Variants in NDUFS4 observed in about 807,000 individuals in gnomAD.
The protein encoded by NDUFS4 is NADH dehydrogenase [ubiquinone] iron-sulfur protein 4, mitochondrial.
In NDUFS4, 28 loss-of-function variants were observed where a neutral mutation model predicts 24.3. The observed-to-expected ratio is 1.15, with a 90% CI of 0.85 to 1.58. The LOEUF is 1.58. Among genes scored for constraint, NDUFS4 ranks in the 40% most tolerant of loss-of-function variants. The pLI, the probability that NDUFS4 is intolerant of heterozygous loss-of-function variation, is 0.00. For missense variants in NDUFS4, 223 were observed against 207.9 expected, an observed-to-expected ratio of 1.07 and a Z score of -0.45; for synonymous variants, 93 against 69.7, an observed-to-expected ratio of 1.34 and a Z score of -1.67.
At chr5:53,652,143 A>G (rs1752038926) in intron 3 of NDUFS4, among the ~76,000 whole-genome samples, 1 of 152,180 alleles carries the variant, frequency 6.6e-6, no homozygotes, top group South Asian at 2.1e-4. Context: ...GGAGGGTTTA[A>G]CAGACATCTA....
intron 4 of NDUFS4, among the ~76,000 whole-genome samples, chr5:53,661,481 C>A (rs61661148): frequency 6.6e-6 from 1 of 152,018 alleles, no homozygotes; most frequent in African/African-American, 2.4e-5. Context: ...CTTGGCAATG[C>A]GGGCTCTTTT....
intron 1 of NDUFS4, among the ~76,000 whole-genome samples, chr5:53,587,035 G>T (rs1229251640): frequency 6.6e-6 from 1 of 151,978 alleles, no homozygotes; most frequent in Non-Finnish European, 1.5e-5. Context: ...TGTTGGCCAG[G>T]CTGGTTTCGA....
intron 4 of NDUFS4, among the ~76,000 whole-genome samples, chr5:53,675,413 T>C (rs192104566): frequency 4.1e-4 from 63 of 152,142 alleles, no homozygotes; most frequent in East Asian, 2.3e-3. Flanking sequence ...CCGCCCGCCT[T>C]GGCCTCCCAA....
intron 1 of NDUFS4, 150 bp downstream of exon 1, chr5:53,560,910 G>C: frequency 6.6e-7 from 1 of 1,519,410 alleles, no homozygotes; most frequent in Non-Finnish European, 8.8e-7. Flanking sequence ...GGGACTGTCT[G>C]CTATCAATGG....
chr5:53,606,165 C>G (rs1191810232), intron 2 of NDUFS4, among the ~76,000 whole-genome samples: 1 of 151,946 alleles, frequency 6.6e-6, no homozygotes, highest in Non-Finnish European at 1.5e-5. Flanking sequence ...GCCTAGGTGA[C>G]AGAGCGAGAC....
At chr5:53,642,904 A>G (rs1445049999) in intron 2 of NDUFS4, among the ~76,000 whole-genome samples, 1 of 152,118 alleles carries the variant, frequency 6.6e-6, no homozygotes. Context: ...GCAAATTTTG[A>G]CTTGAATGCC....
At chr5:53,590,724 A>C (rs746666264) in intron 1 of NDUFS4, among the ~76,000 whole-genome samples, 10 of 152,334 alleles carry the variant, frequency 6.6e-5, no homozygotes, top group Middle Eastern at 6.8e-3. Context: ...GTTGTAAACC[A>C]GGGATTATCT....
At chr5:53,571,203 T>C (rs1749199884) in intron 1 of NDUFS4, among the ~76,000 whole-genome samples, 1 of 152,202 alleles carries the variant, frequency 6.6e-6, no homozygotes, top group South Asian at 2.1e-4. Context: ...TAGCAGTCGC[T>C]TCTCCCCCAG....
chr5:53,591,008 C>T (rs1377870923), intron 1 of NDUFS4, among the ~76,000 whole-genome samples: 1 of 152,156 alleles, frequency 6.6e-6, no homozygotes, highest in African/African-American at 2.4e-5. Flanking sequence ...ACTTTAGATA[C>T]CCCATATAAA....
intron 3 of NDUFS4, among the ~76,000 whole-genome samples, chr5:53,654,553 TG>T (rs1374212816): frequency 3.3e-5 from 5 of 152,162 alleles, no homozygotes; most frequent in Non-Finnish European, 5.9e-5. Flanking sequence ...GTCTTCATTA[TG>T]TATATCTCCT....
chr5:53,602,143 C>A (rs1267519905), intron 1 of NDUFS4, among the ~76,000 whole-genome samples: 2 of 152,036 alleles, frequency 1.3e-5, no homozygotes, highest in Non-Finnish European at 2.9e-5. Context: ...TATCATTACC[C>A]AATGTTTTTC....
At chr5:53,572,980 T>TG (rs1749264596) in intron 1 of NDUFS4, among the ~76,000 whole-genome samples, 1 of 148,780 alleles carries the variant, frequency 6.7e-6, no homozygotes, top group African/African-American at 2.5e-5. Context: ...GTTTTTTTTT[T>TG]TTTTTAAGAG....
At chr5:53,620,678 T>C (rs914299665) in intron 2 of NDUFS4, among the ~76,000 whole-genome samples, 5 of 152,228 alleles carry the variant, frequency 3.3e-5, no homozygotes, top group African/African-American at 4.8e-5. Flanking sequence ...GTCTATGTTT[T>C]TGTTTTGTTA....
intron 1 of NDUFS4, among the ~76,000 whole-genome samples, chr5:53,579,497 A>G (rs1398305033): frequency 6.6e-6 from 1 of 152,184 alleles, no homozygotes. Flanking sequence ...CTTATATGGC[A>G]AAAGGGACTT....
chr5:53,645,711 A>G (rs42565), intron 2 of NDUFS4, among the ~76,000 whole-genome samples: 39,329 of 152,108 alleles, frequency 0.26, 6,762 homozygotes, highest in African/African-American at 0.48. Context: ...TAAATTTACA[A>G]CTTTACAAAA....
chr5:53,615,312 G>A (rs1316017612), intron 2 of NDUFS4, among the ~76,000 whole-genome samples: 2 of 151,818 alleles, frequency 1.3e-5, no homozygotes, highest in Non-Finnish European at 2.9e-5. Context: ...GGTGAGAGGA[G>A]GTAAAGAAAT....
intron 2 of NDUFS4, among the ~76,000 whole-genome samples, chr5:53,608,578 A>G (rs975686439): frequency 3.3e-5 from 5 of 151,902 alleles, no homozygotes; most frequent in African/African-American, 7.3e-5. Flanking sequence ...CTTTATCAGG[A>G]GTAGATTCTG....
intron 1 of NDUFS4, among the ~76,000 whole-genome samples, chr5:53,572,683 G>A (rs1749250985): frequency 6.8e-6 from 1 of 148,016 alleles, no homozygotes; most frequent in Non-Finnish European, 1.5e-5. Context: ...TCGCCCTGTT[G>A]CCCAGGCTGG....
At chr5:53,639,404 A>G (rs1050904127) in intron 2 of NDUFS4, among the ~76,000 whole-genome samples, 27 of 151,942 alleles carry the variant, frequency 1.8e-4, no homozygotes, top group Admixed American at 5.2e-4. Context: ...AAAAGTATAT[A>G]AATTCAAATT....
Sources: allele counts gnomAD v4.1 joint callset (sites outside exome capture counted in the v4.1 genomes callset), GRCh38; gene constraint gnomAD v4.1.1; transcripts MANE v1.5; gene names NCBI Gene and HGNC (gene_info 2026-07-23, HGNC 2026-07-21).